Variants in ABHD6 observed in about 807,000 individuals in gnomAD.
The protein encoded by ABHD6 is abhydrolase domain containing 6, acylglycerol lipase, also known as monoacylglycerol lipase ABHD6.
Under a neutral mutation model 38.8 loss-of-function variants are expected in ABHD6, and 33 were observed. The observed-to-expected ratio is 0.85, with a 90% CI of 0.64 to 1.14. ABHD6 has a LOEUF of 1.14. Ranked by LOEUF, ABHD6 falls within the 50% of genes most tolerant of loss-of-function variation. The pLI is 0.00. For missense variants in ABHD6, 380 were observed against 422.6 expected (o/e 0.90, Z 0.88); for synonymous variants, 147 against 161.6 (o/e 0.91, Z 0.69).
At chr3:58,289,089 C>T (rs2097459561) in intron 9 of ABHD6, among the ~76,000 whole-genome samples, 1 of 152,074 alleles carries the variant, frequency 6.6e-6, no homozygotes, top group Non-Finnish European at 1.5e-5. Flanking sequence ...GGTTCTTGCT[C>T]TGTCACCCAG....
rs1553718607 is a variant in ABHD6 at position 58,256,096 on chromosome 3, C to CACACACACACACAG, written c.-25-453_-25-452insGACACACACACACA. 0.017 allele frequency among the ~76,000 whole-genome samples: 2,530 copies of CACACACACACACAG among 147,524 alleles called. 77 individuals carry two copies. The highest frequency in any genetic ancestry group is 0.059 in the African/African-American group (2,385 of 40,576). On this transcript the variant is annotated intron_variant, in intron 2 of 9. Coordinates refer to ENST00000478253, the MANE Select transcript of ABHD6 (RefSeq NM_001320126.2). The surrounding 1 kb of genome is among the most constrained non-coding windows in gnomAD (Gnocchi z 4.3). ...CCACCAACACACACACACACACACACACACACACACACATACACACACTAC... is the reference window on the plus strand; with the variant it reads ...CCACCAACACACACACACACACACACACACACACACACAGACACACACACACATACACACACTAC...
chr3:58,290,413 G>C (rs2097461388), intron 9 of ABHD6, among the ~76,000 whole-genome samples: 1 of 119,516 alleles, frequency 8.4e-6, no homozygotes, highest in Non-Finnish European at 1.8e-5. Flanking sequence ...CCCAGTAGGG[G>C]CGGCTGGGCA....
intron 9 of ABHD6, among the ~76,000 whole-genome samples, chr3:58,289,221 ATTTTTTATT>A (rs1559785279): frequency 1.8e-5 from 1 of 55,832 alleles, no homozygotes; most frequent in African/African-American, 1.3e-4. Context: ...CACCCGGGTA[ATTTTTTATT>A]TTTTTTATTT....
chr3:58,240,770 G>A (rs924917126), intron 1 of ABHD6, among the ~76,000 whole-genome samples: 62 of 143,740 alleles, frequency 4.3e-4, no homozygotes, highest in African/African-American at 1.5e-3. Context: ...TTGCTCTGTC[G>A]CCCAGGCTGG....
In ABHD6 at chr3:58,256,642, C is replaced by A; in HGVS notation, c.56C>A (p.Pro19Gln). ...FVIAGGTLAIPILAFVASFLL... is the reference protein window; with the variant it reads ...FVIAGGTLAIQILAFVASFLL... ...ATTGCGGGCGGCACGCTGGCCATCC[C>A]AATCCTGGCATTTGTGGCTTCATTT... The change falls in exon 3 of 10, where the codon CCA (proline) becomes CAA (glutamine). Residue 19 changes from proline to glutamine, a missense_variant. Coordinates refer to ENST00000478253, the MANE Select transcript of ABHD6 (RefSeq NM_001320126.2). This position sits in a 1 kb window ranked among gnomAD's most constrained non-coding sequence, Gnocchi z 4.3. 6.2e-7 allele frequency: 1 copy of A among 1,613,914 alleles called. No individual in the cohort carries two copies. The highest frequency in any genetic ancestry group is 8.5e-7 in the Non-Finnish European group (1 of 1,180,030).
At position 58,267,818 on chromosome 3, in the gene ABHD6, C is replaced by G. The variant is rs1224513289; in HGVS notation, c.276+473C>G. On this transcript the variant is annotated intron_variant, in intron 4 of 9. Transcript: ENST00000478253. The surrounding 1 kb of genome is among the most constrained non-coding windows in gnomAD (Gnocchi z 4.3). The stretch of plus-strand genomic sequence containing the variant: ...GTGTGGCCTGGCACAGTGGCTCATA[C>G]CTGTAATCCCAGCACTTTGGGGAGG... Among the ~76,000 whole-genome samples, 4 of 152,136 alleles carry G rather than the reference C, an allele frequency of 2.6e-5. No individual in the cohort carries two copies. Among genetic ancestry groups the G allele is most frequent in the African/African-American group, 9.7e-5 (4 of 41,424 alleles).
At chr3:58,290,408 T>A (rs1221721165) in intron 9 of ABHD6, among the ~76,000 whole-genome samples, 1 of 79,564 alleles carries the variant, frequency 1.3e-5, no homozygotes, top group African/African-American at 5.4e-5. Context: ...CACTTCCCAG[T>A]AGGGGCGGCT....
Position 58,265,077 on chromosome 3 carries a change from CCTT to C in ABHD6, c.120-2109_120-2107del, listed in dbSNP as rs1407592414. Among the ~76,000 whole-genome samples, 1 of 152,116 alleles carries C rather than the reference CCTT, an allele frequency of 6.6e-6. No individual in the cohort carries two copies. Among genetic ancestry groups the C allele is most frequent in the Non-Finnish European group, 1.5e-5 (1 of 68,026 alleles). On this transcript the variant is annotated intron_variant, in intron 3 of 9. Transcript: ENST00000478253. This position sits in a 1 kb window ranked among gnomAD's most constrained non-coding sequence, Gnocchi z 4.2. ...ACTCATCTCAGCCTCTGGTAACCAT[CCTT>C]CTACTATCTATGCCCATGAGTTGCA...
At chr3:58,286,854 ATATATATATATATATG>A (rs2097457618) in intron 9 of ABHD6, among the ~76,000 whole-genome samples, 1 of 79,166 alleles carries the variant, frequency 1.3e-5, no homozygotes. Context: ...GTGTGTGTGT[ATATATATATATATATG>A]TATATGTATA....
intron 3 of ABHD6, among the ~76,000 whole-genome samples, chr3:58,261,276 T>C (rs1232360516): frequency 6.6e-6 from 1 of 152,112 alleles, no homozygotes; most frequent in Non-Finnish European, 1.5e-5. Context: ...TGTTTGCAGA[T>C]GACACAATTG....
intron 6 of ABHD6, 41 bp from the exon 7 acceptor site, chr3:58,274,617 G>A: frequency 4.4e-6 from 7 of 1,596,264 alleles, no homozygotes; most frequent in Non-Finnish European, 6.0e-6. Context: ...TTGGTAAGAA[G>A]GTGGATGTAT....
chr3:58,272,092 G>A (rs1559778967), intron 6 of ABHD6, among the ~76,000 whole-genome samples: 2 of 152,076 alleles, frequency 1.3e-5, no homozygotes, highest in South Asian at 2.1e-4. Flanking sequence ...GTGAGCCACC[G>A]CACCCGGCCT....
intron 1 of ABHD6, among the ~76,000 whole-genome samples, chr3:58,241,903 T>A (rs1386731503): frequency 1.3e-5 from 2 of 152,122 alleles, no homozygotes; most frequent in East Asian, 3.9e-4. Flanking sequence ...TTCTAAGAGG[T>A]TAGGTCACTT....
chr3:58,264,440 CACACAT>C (rs1233141919), intron 3 of ABHD6, among the ~76,000 whole-genome samples: 115 of 93,898 alleles, frequency 1.2e-3, no homozygotes, highest in Middle Eastern at 5.4e-3. Context: ...CACACACACA[CACACAT>C]ATGCCAGGTG....
intron 1 of ABHD6, among the ~76,000 whole-genome samples, chr3:58,246,752 T>C (rs1176893350): frequency 4.6e-5 from 7 of 152,014 alleles, no homozygotes; most frequent in East Asian, 1.9e-4. Flanking sequence ...GTTTCCAGGA[T>C]AGAACAATAA....
chr3:58,256,572 G>C lies in ABHD6; in HGVS notation c.-15G>C, dbSNP rs780431851. 2 of 1,598,950 alleles carry C rather than the reference G, an allele frequency of 1.3e-6. No individual in the cohort carries two copies. The highest frequency in any genetic ancestry group is 1.7e-5 in the Admixed American group (1 of 59,604). On this transcript the variant is annotated 5_prime_UTR_variant, in exon 3 of 10. Transcript: ENST00000478253. The surrounding 1 kb of genome is among the most constrained non-coding windows in gnomAD (Gnocchi z 4.3). Reference sequence around the variant, plus strand: ...CTTTGGCCCCTGCAGGAGTCAGCCAGCCTGAAAGAGCAGGATGGATCTTGA... The same window carrying C: ...CTTTGGCCCCTGCAGGAGTCAGCCACCCTGAAAGAGCAGGATGGATCTTGA...
intron 6 of ABHD6, 36 bp from the exon 7 acceptor site, chr3:58,274,622 A>G (rs373083263): frequency 1.2e-6 from 2 of 1,600,828 alleles, no homozygotes; most frequent in African/African-American, 1.3e-5. Flanking sequence ...AAGAAGGTGG[A>G]TGTATCATCA....
rs1053386115 is a variant in ABHD6 at position 58,267,663 on chromosome 3, C to CA, written c.276+326dup. The stretch of plus-strand genomic sequence containing the variant: ...TGGGCAACAGAATAAGACTCTGTCT[C>CA]AAAAAAAATAAAAATAAAAAAAGGA... On this transcript the variant is annotated intron_variant, in intron 4 of 9. Transcript: ENST00000478253. This position sits in a 1 kb window ranked among gnomAD's most constrained non-coding sequence, Gnocchi z 4.3. 2.0e-4 allele frequency among the ~76,000 whole-genome samples: 30 copies of CA among 150,348 alleles called. No homozygotes were observed. The highest frequency in any genetic ancestry group is 3.1e-4 in the Non-Finnish European group (21 of 67,674).
intron 7 of ABHD6, among the ~76,000 whole-genome samples, chr3:58,282,782 A>G (rs2097454298): frequency 6.6e-6 from 1 of 152,114 alleles, no homozygotes; most frequent in Admixed American, 6.6e-5. Context: ...TATTCTGAAG[A>G]GTAGAAGGGC....
Sources: gnomAD v4.1 joint callset for allele counts (sites outside exome capture counted in the v4.1 genomes callset) on GRCh38, gnomAD v4.1.1 for gene constraint, Gnocchi (gnomAD v3.1) non-coding constraint, MANE v1.5 for transcripts, NCBI Gene and HGNC (gene_info 2026-07-23, HGNC 2026-07-21) for gene names.